Variants in KDM1A observed in about 807,000 individuals in gnomAD.
KDM1A encodes lysine-specific histone demethylase 1A.
In KDM1A, 49 loss-of-function variants were observed where a neutral mutation model predicts 109.4. That is an observed-to-expected ratio of 0.45 (90% CI 0.36 to 0.57). The LOEUF (loss-of-function observed/expected upper bound fraction) is 0.57, where lower values mean the gene tolerates loss of function less well. KDM1A is among the 20% of genes least tolerant of loss of function. The pLI is 0.00. For missense variants in KDM1A, 668 were observed against 1,116.6 expected (o/e 0.60, Z 5.73); for synonymous variants, 380 against 415.4 (o/e 0.91, Z 1.04).
chr1:23,027,987 G>T (rs1641862561), intron 1 of KDM1A, among the ~76,000 whole-genome samples: 1 of 152,066 alleles, frequency 6.6e-6, no homozygotes, highest in South Asian at 2.1e-4. Flanking sequence ...AGATATTATT[G>T]CTTCTACCTG....
intron 8 of KDM1A, 188 bp downstream of exon 8, chr1:23,057,753 C>T: frequency 2.7e-5 from 8 of 298,214 alleles, no homozygotes; most frequent in Non-Finnish European, 5.1e-5. Flanking sequence ...TTTTCTAGTT[C>T]TAGGAAATTA....
intron 1 of KDM1A, among the ~76,000 whole-genome samples, chr1:23,024,589 T>A (rs189096487): frequency 3.9e-5 from 6 of 152,350 alleles, no homozygotes; most frequent in Non-Finnish European, 8.8e-5. Context: ...CAGAATAAAT[T>A]CACTTTTGGG....
Position 23,083,204 on chromosome 1 carries a change from G to A in KDM1A, c.2471G>A (p.Gly824Glu), listed in dbSNP as rs1643673398. Residue 824 changes from glycine to glutamate, a missense_variant, in exon 21 of 21, where the codon GGA becomes GAA. By Grantham distance (98) the Gly-to-Glu change is moderately conservative (BLOSUM62 -2). Coordinates refer to ENST00000400181, the MANE Select transcript of KDM1A (RefSeq NM_001009999.3). ...CCGATTCCACGACTCTTCTTTGCGG[G>A]AGAACATACGATCCGTAACTACCCA... Reference protein sequence around the residue: ...PQPIPRLFFAGEHTIRNYPAT... With the variant: ...PQPIPRLFFAEEHTIRNYPAT... 6.2e-7 allele frequency: 1 copy of A among 1,611,852 alleles called. No individual in the cohort carries two copies. The highest frequency in any genetic ancestry group is 8.5e-7 in the Non-Finnish European group (1 of 1,178,380).
At position 23,071,280 on chromosome 1, in the gene KDM1A, C is replaced by G. The variant is rs752000302; in HGVS notation, c.1469C>G (p.Ser490Cys). 9 of 1,611,454 alleles carry G rather than the reference C, an allele frequency of 5.6e-6. No individual in the cohort carries two copies. The highest frequency in any genetic ancestry group is 7.6e-6 in the Non-Finnish European group (9 of 1,178,942). ...KELHQQYKEA[S>C]EVKPPRDITA... is the part of the protein sequence containing the mutation. ...CTCCATCAGCAATACAAAGAAGCAT[C>G]TGAAGTAAAGCCACCCAGAGATATT... Residue 490 changes from serine to cysteine, a missense_variant, in exon 13 of 21, where the codon TCT (serine) becomes TGT (cysteine). By Grantham distance (112) the Ser-to-Cys change is moderately radical. This residue lies in a region of KDM1A where 62 missense variants were observed against 82.8 expected (regional missense o/e 0.75). Coordinates refer to ENST00000400181, the MANE Select transcript of KDM1A (RefSeq NM_001009999.3).
intron 2 of KDM1A, among the ~76,000 whole-genome samples, chr1:23,037,695 G>T (rs932764062): frequency 6.6e-6 from 1 of 152,142 alleles, no homozygotes; most frequent in Admixed American, 6.5e-5. Flanking sequence ...GAAATTTTGT[G>T]TTAAACATGA....
At chr1:23,021,508 C>A (rs904265835) in intron 1 of KDM1A, among the ~76,000 whole-genome samples, 8 of 151,946 alleles carry the variant, frequency 5.3e-5, no homozygotes, top group Non-Finnish European at 8.8e-5. Flanking sequence ...ACTAAAAATA[C>A]AAAAAATTAG....
At chr1:23,030,385 T>A in intron 1 of KDM1A, 84 bp from the exon 2 acceptor site, 1 of 1,070,748 alleles carries the variant, frequency 9.3e-7, no homozygotes, top group Admixed American at 3.0e-5. Flanking sequence ...GGTTAACAAT[T>A]TACATTGACT....
intron 9 of KDM1A, among the ~76,000 whole-genome samples, chr1:23,062,231 T>C (rs1006353238): frequency 6.6e-6 from 1 of 152,124 alleles, no homozygotes; most frequent in Non-Finnish European, 1.5e-5. Context: ...TCAGGGAAGA[T>C]GGGGTGAGGT....
chr1:23,050,703 ATT>A (rs944258987), intron 4 of KDM1A, among the ~76,000 whole-genome samples, 183 bp downstream of exon 4: 51 of 152,318 alleles, frequency 3.3e-4, no homozygotes, highest in African/African-American at 1.2e-3. Flanking sequence ...TGTATATATA[ATT>A]TTTGTTTTCA....
intron 10 of KDM1A, among the ~76,000 whole-genome samples, chr1:23,067,571 T>C (rs1173956930): frequency 6.6e-6 from 1 of 152,222 alleles, no homozygotes; most frequent in Non-Finnish European, 1.5e-5. Flanking sequence ...GCTTCAATGT[T>C]TTATTTTTGT....
At chr1:23,064,630 A>G (rs1643110322) in intron 9 of KDM1A, among the ~76,000 whole-genome samples, 1 of 152,238 alleles carries the variant, frequency 6.6e-6, no homozygotes, top group African/African-American at 2.4e-5. Context: ...AGAGGTAGAA[A>G]GAACTAAAGA....
intron 1 of KDM1A, chr1:23,020,638 C>T (rs1231958113): frequency 1.3e-5 from 2 of 152,148 alleles, no homozygotes; most frequent in Non-Finnish European, 2.9e-5. Flanking sequence ...CAGACAGTGA[C>T]TGCCTCAAAT....
chr1:23,058,620 T>C (rs954199750), intron 8 of KDM1A, among the ~76,000 whole-genome samples: 3 of 152,178 alleles, frequency 2.0e-5, no homozygotes, highest in African/African-American at 7.2e-5. Context: ...AAGGTTGAGG[T>C]TGTGGGCATT....
chr1:23,063,205 GGTGT>G lies in KDM1A; in HGVS notation c.1168-2853_1168-2850del, dbSNP rs1491055791. On this transcript the variant is annotated intron_variant, in intron 9 of 20. Coordinates refer to ENST00000400181, the MANE Select transcript of KDM1A (RefSeq NM_001009999.3). ...CACAGTGCTGTAGCATTGGGGGGGG[GGTGT>G]GGTGTGGGGTGGGTGTGTGTGGGTG... Among the ~76,000 whole-genome samples the G allele has an allele frequency of 5.6e-5, 4 of 71,372 alleles. 1 individual carries two copies. 46.8% of individuals were successfully genotyped at this position (71,372 alleles called of 152,430 possible).
At chr1:23,049,498 A>C (rs1642600337) in intron 3 of KDM1A, among the ~76,000 whole-genome samples, 1 of 151,974 alleles carries the variant, frequency 6.6e-6, no homozygotes. Context: ...AGCCTGGCCA[A>C]CATGGTGAAG....
At position 23,079,212 on chromosome 1, in the gene KDM1A, G is replaced by C; in HGVS notation, c.2055+35G>C. 6.3e-7 allele frequency: 1 copy of C among 1,594,604 alleles called. No individual in the cohort carries two copies. Among genetic ancestry groups the C allele is most frequent in the South Asian group, 1.1e-5 (1 of 88,960 alleles). On this transcript the variant is annotated intron_variant, in intron 17 of 20. Coordinates refer to ENST00000400181, the MANE Select transcript of KDM1A (RefSeq NM_001009999.3). This position sits in a 1 kb window ranked among gnomAD's most constrained non-coding sequence, Gnocchi z 5.6. Reference sequence around the variant, plus strand: ...CCTAGACACTCCTGTCTACAGATCTGATGTACAAATAGCAGTCTTCGTTGT... The same window carrying C: ...CCTAGACACTCCTGTCTACAGATCTCATGTACAAATAGCAGTCTTCGTTGT...
chr1:23,048,426 ATTT>A (rs954874569), intron 3 of KDM1A, among the ~76,000 whole-genome samples: 13 of 151,494 alleles, frequency 8.6e-5, no homozygotes, highest in Non-Finnish European at 1.5e-4. Context: ...CTATTTTTTT[ATTT>A]TTTATTTTTT....
chr1:23,049,739 T>C (rs571858797), intron 3 of KDM1A, among the ~76,000 whole-genome samples: 2 of 152,168 alleles, frequency 1.3e-5, no homozygotes, highest in East Asian at 1.9e-4. Flanking sequence ...AGTGTATGTA[T>C]ACACTATATG....
At chr1:23,064,676 T>TGG (rs1170530708) in intron 9 of KDM1A, among the ~76,000 whole-genome samples, 1 of 152,160 alleles carries the variant, frequency 6.6e-6, no homozygotes, top group Non-Finnish European at 1.5e-5. Flanking sequence ...CTTGCAGGAT[T>TGG]GGGGACCTTG....
Sources: gnomAD v4.1 joint callset for allele counts (sites outside exome capture counted in the v4.1 genomes callset) on GRCh38, gnomAD v4.1.1 for gene constraint, gnomAD v4.1.1 regional missense constraint, Gnocchi (gnomAD v3.1) non-coding constraint, MANE v1.5 for transcripts, NCBI Gene and HGNC (gene_info 2026-07-23, HGNC 2026-07-21) for gene names.